Variants in SEC24A observed in about 807,000 individuals in gnomAD.
SEC24A encodes the protein protein transport protein Sec24A.
A neutral mutation model predicts 129.4 loss-of-function variants in SEC24A; 93 were observed. That is an observed-to-expected ratio of 0.72 (90% CI 0.61 to 0.85). The LOEUF is 0.85. SEC24A is among the 40% of genes least tolerant of loss of function. SEC24A has a pLI of 0.00. For synonymous variants in SEC24A, 460 were observed against 467.3 expected (o/e 0.98, Z 0.20); for missense variants, 1,264 against 1,307.4 (o/e 0.97, Z 0.51).
At chr5:134,651,970 T>G (rs1212264988) in intron 1 of SEC24A, among the ~76,000 whole-genome samples, 1 of 151,540 alleles carries the variant, frequency 6.6e-6, no homozygotes, top group Non-Finnish European at 1.5e-5. Context: ...TTCACTTTTG[T>G]TGCCCAGGCT....
At chr5:134,723,941 C>T (rs548119714) in intron 22 of SEC24A, among the ~76,000 whole-genome samples, 3 of 152,270 alleles carry the variant, frequency 2.0e-5, no homozygotes, top group Admixed American at 6.5e-5. Context: ...ACATATTCAT[C>T]TTCTCAGCCA....
chr5:134,698,527 CCTGGCCT>C lies in SEC24A; in HGVS notation c.2266+471_2266+477del, dbSNP rs1303127096. Among the ~76,000 whole-genome samples the C allele has an allele frequency of 1.0e-3, 158 of 151,476 alleles. 1 individual carries two copies. In the East Asian group the frequency reaches 0.028, roughly 27 times the overall value. On this transcript the variant is annotated intron_variant, in intron 15 of 22. Transcript: ENST00000398844. ...GGCTGAGGTGGGAGGATTGTTGGGG[CCTGGCCT>C]GGGAGTCAGGTTGCAGTGAGCAGAG...
At chr5:134,674,400 G>A (rs2150082127) in intron 4 of SEC24A, among the ~76,000 whole-genome samples, 1 of 152,196 alleles carries the variant, frequency 6.6e-6, no homozygotes, top group Middle Eastern at 3.4e-3. Flanking sequence ...AGCCGGGCAT[G>A]ATGGCACACA....
rs368117086 is a variant in SEC24A, at chr5:134,693,835, A to G, written c.1888A>G (p.Thr630Ala). The G allele has an allele frequency of 6.2e-7, 1 of 1,614,174 alleles. No individual in the cohort carries two copies. The change falls in exon 13 of 23, where the codon ACT becomes GCT. Residue 630 changes from threonine (T) to alanine (A), a missense_variant. Transcript: ENST00000398844. ...GGCTGCCTTTAAGCTGATGTCTCCA[A>G]CTGGTGGTCGAATGTCTGTCTTTCA... ...LQAAFKLMSP[T>A]GGRMSVFQTQ...
At chr5:134,689,865 T>C (rs1246911571) in intron 11 of SEC24A, among the ~76,000 whole-genome samples, 1 of 151,476 alleles carries the variant, frequency 6.6e-6, no homozygotes, top group Non-Finnish European at 1.5e-5. Context: ...CTGGAAAACA[T>C]GCTAAGTGAA....
chr5:134,675,196 A>G lies in SEC24A; in HGVS notation c.1130A>G (p.Gln377Arg), dbSNP rs1751017688. The change falls in exon 6 of 23, where the codon CAG becomes CGG. Residue 377 changes from glutamine (Q) to arginine (R), a missense_variant. Gln to Arg is a conservative substitution (Grantham distance 43). Coordinates refer to ENST00000398844, the MANE Select transcript of SEC24A (RefSeq NM_021982.3). ...GTTCCAAATTTGCATGAAGACATCC[A>G]GAAACTCAACTGTAACCCAGAGTAA... is the stretch of plus-strand genomic sequence containing the variant. ...PPVPNLHEDIQKLNCNPELFR... is the reference protein window; with the variant it reads ...PPVPNLHEDIRKLNCNPELFR... 6.2e-7 allele frequency: 1 copy of G among 1,612,276 alleles called. No individual in the cohort carries two copies. Among genetic ancestry groups the G allele is most frequent in the South Asian group, 1.1e-5 (1 of 90,868 alleles).
At position 134,649,081 on chromosome 5, in the gene SEC24A, C is replaced by T. The variant is rs557245238; in HGVS notation, c.5C>T (p.Ser2Phe). 2.4e-5 allele frequency: 38 copies of T among 1,608,580 alleles called. No individual in the cohort carries two copies. In the African/African-American group the frequency reaches 3.3e-4, roughly 14 times the overall value. The change falls in exon 1 of 23, where the codon TCC becomes TTC. Residue 2 changes from serine (S) to phenylalanine (F), a missense_variant. Transcript: ENST00000398844. ...GCCCCTTCCAACCCAGTCATCATGT[C>T]CCAGCCGGGAATACCGGCCTCCGGC... MSQPGIPASGGA... is the reference protein window; with the variant it reads MFQPGIPASGGA...
At chr5:134,673,047 T>G (rs2150081023) in intron 4 of SEC24A, among the ~76,000 whole-genome samples, 1 of 136,574 alleles carries the variant, frequency 7.3e-6, no homozygotes, top group African/African-American at 2.5e-5. Flanking sequence ...ACGGCCCATT[T>G]AGGATTTTTT....
At chr5:134,709,984 C>A (rs897412435) in intron 18 of SEC24A, among the ~76,000 whole-genome samples, 1 of 152,132 alleles carries the variant, frequency 6.6e-6, no homozygotes, top group Non-Finnish European at 1.5e-5. Flanking sequence ...ACTGCAACCT[C>A]CGCCTACCGG....
At chr5:134,682,070 C>T (rs1189643420) in intron 8 of SEC24A, among the ~76,000 whole-genome samples, 4 of 151,836 alleles carry the variant, frequency 2.6e-5, no homozygotes, top group African/African-American at 4.8e-5. Context: ...GGAGAAACCC[C>T]GTCTGTACTA....
intron 11 of SEC24A, among the ~76,000 whole-genome samples, chr5:134,691,766 T>G (rs896774771): frequency 2.0e-5 from 3 of 152,084 alleles, no homozygotes; most frequent in Middle Eastern, 6.4e-3. Context: ...ATTACAGGCA[T>G]GAGCCACCGT....
intron 19 of SEC24A, among the ~76,000 whole-genome samples, chr5:134,717,526 A>AAAAAGG (rs1752512031): frequency 6.6e-6 from 1 of 151,926 alleles, no homozygotes; most frequent in South Asian, 2.1e-4. Context: ...AAAGAAAAAG[A>AAAAAGG]AAAAGGAAAC....
chr5:134,695,643 G>A (rs557058064), intron 13 of SEC24A, among the ~76,000 whole-genome samples: 4 of 151,970 alleles, frequency 2.6e-5, no homozygotes, highest in Non-Finnish European at 5.9e-5. Flanking sequence ...AAATTAACCG[G>A]GCGTGGTGGC....
chr5:134,702,549 C>T (rs970272425), intron 15 of SEC24A, among the ~76,000 whole-genome samples: 3 of 152,066 alleles, frequency 2.0e-5, no homozygotes, highest in African/African-American at 7.2e-5. Flanking sequence ...TACCGAATTT[C>T]CTATACATTT....
At chr5:134,721,918 A>T (rs1224448573) in intron 21 of SEC24A, among the ~76,000 whole-genome samples, 1 of 152,178 alleles carries the variant, frequency 6.6e-6, no homozygotes, top group Non-Finnish European at 1.5e-5. Context: ...TATAGCTAGG[A>T]TAAGCACTGG....
chr5:134,673,051 AT>A (rs375750332), intron 4 of SEC24A, among the ~76,000 whole-genome samples: 2,348 of 113,638 alleles, frequency 0.021, 54 homozygotes, highest in Admixed American at 0.089. Flanking sequence ...CCCATTTAGG[AT>A]TTTTTTTTTT....
chr5:134,659,395 G>A (rs1439874515), intron 1 of SEC24A, among the ~76,000 whole-genome samples: 1 of 151,934 alleles, frequency 6.6e-6, no homozygotes, highest in Non-Finnish European at 1.5e-5. Flanking sequence ...ATTTTGATGG[G>A]CTACTTAGTA....
chr5:134,727,080 G>A lies in SEC24A; in HGVS notation c.*1986G>A, dbSNP rs1202232018. ...TTTGTTCTCCACATAATGAGAGAAT[G>A]AATGAGCCTTTGGAGATACTGATAT... On this transcript the variant is annotated 3_prime_UTR_variant, in exon 23 of 23. Transcript: ENST00000398844. 6.6e-6 allele frequency: 1 copy of A among 152,600 alleles called. No individual in the cohort carries two copies. The highest frequency in any genetic ancestry group is 1.5e-5 in the Non-Finnish European group (1 of 68,018). 9.5% of individuals were successfully genotyped at this position (152,600 alleles called of 1,614,324 possible). A position where few individuals can be genotyped will look rare whatever the true frequency, so the allele number is the denominator to read the frequency against.
Position 134,724,283 on chromosome 5 carries a change from T to C in SEC24A, c.3167+613T>C, listed in dbSNP as rs553526278. Among the ~76,000 whole-genome samples the C allele has an allele frequency of 9.9e-5, 15 of 152,280 alleles. 1 individual carries two copies. In the South Asian group the frequency reaches 3.1e-3, roughly 32 times the overall value. ...AGCATAATGTCACAAATGACAGAAT[T>C]TCCTGTTTTTTAAAGGCTGAAGTCG... is the stretch of plus-strand genomic sequence containing the variant. On this transcript the variant is annotated intron_variant, in intron 22 of 22. Coordinates refer to ENST00000398844, the MANE Select transcript of SEC24A (RefSeq NM_021982.3).
Sources: gnomAD v4.1 joint callset for allele counts (sites outside exome capture counted in the v4.1 genomes callset) on GRCh38, gnomAD v4.1.1 for gene constraint, MANE v1.5 for transcripts, NCBI Gene and HGNC (gene_info 2026-07-23, HGNC 2026-07-21) for gene names.